PCGF6: variants seen among roughly 807,000 people sequenced by gnomAD.
PCGF6 encodes polycomb group RING finger protein 6.
A neutral mutation model predicts 45.5 loss-of-function variants in PCGF6; 24 were observed. The ratio of observed to expected loss-of-function variants is 0.53; its 90% confidence interval spans 0.38 to 0.74. The LOEUF is 0.74. Ranked by LOEUF, PCGF6 falls within the 30% of genes least tolerant of loss-of-function variation. The pLI, the probability that PCGF6 is intolerant of heterozygous loss-of-function variation, is 0.00. For missense variants in PCGF6, 356 were observed against 443.2 expected (o/e 0.80, Z 1.77); for synonymous variants, 152 against 162.1 (o/e 0.94, Z 0.47).
At position 103,337,921 on chromosome 10, in the gene PCGF6, G is replaced by A. The variant is rs1424813850; in HGVS notation, c.783-3969C>T. On this transcript the variant is annotated intron_variant, in intron 6 of 9. Coordinates refer to ENST00000369847, the MANE Select transcript of PCGF6 (RefSeq NM_001011663.2). ...CTACTAAAAATACAAAAAATTAGCC[G>A]GGCGTAGTGGTGGGCGCCTGTAGTC... Among the ~76,000 whole-genome samples, 8 of 110,414 alleles carry A rather than the reference G, an allele frequency of 7.2e-5. 1 individual carries two copies. The highest frequency in any genetic ancestry group is 2.0e-4 in the African/African-American group (6 of 30,348). The allele number at this position is 110,414 out of a possible 152,430, so 72.4% of individuals were successfully genotyped here. A position where few individuals can be genotyped will look rare whatever the true frequency, so the allele number is the denominator to read the frequency against.
At chr10:103,337,569 G>A (rs2093261745) in intron 6 of PCGF6, among the ~76,000 whole-genome samples, 1 of 152,084 alleles carries the variant, frequency 6.6e-6, no homozygotes, top group Non-Finnish European at 1.5e-5. Flanking sequence ...TCTGTCTTGG[G>A]TTATTTCTTT....
intron 1 of PCGF6, 78 bp from the exon 2 acceptor site, chr10:103,349,077 C>A (rs2093310303): frequency 2.4e-6 from 3 of 1,238,878 alleles, no homozygotes; most frequent in South Asian, 1.4e-5. Context: ...GAGACAGAGT[C>A]TCACTCTGTA....
At chr10:103,308,068 G>A (rs2133553083) in intron 9 of PCGF6, among the ~76,000 whole-genome samples, 1 of 152,260 alleles carries the variant, frequency 6.6e-6, no homozygotes, top group African/African-American at 2.4e-5. Flanking sequence ...GAAGCCTGCT[G>A]TAGTGGCAGA....
chr10:103,326,250 GC>G (rs1332933300), intron 8 of PCGF6, among the ~76,000 whole-genome samples: 2 of 151,908 alleles, frequency 1.3e-5, no homozygotes, highest in Non-Finnish European at 2.9e-5. Flanking sequence ...TCAGCCGGGT[GC>G]AGTGGCAGGT....
At chr10:103,306,034 A>G (rs1277616471) in intron 9 of PCGF6, among the ~76,000 whole-genome samples, 1 of 151,392 alleles carries the variant, frequency 6.6e-6, no homozygotes, top group East Asian at 1.9e-4. Context: ...GTGGCGTTCT[A>G]TCTCCTTTCT....
chr10:103,350,962 G>A lies in PCGF6; in HGVS notation c.105C>T (p.Thr35=), dbSNP rs1167257193. 6 of 1,450,592 alleles carry A rather than the reference G, an allele frequency of 4.1e-6. No individual in the cohort carries two copies. The highest frequency in any genetic ancestry group is 1.4e-5 in the South Asian group (1 of 70,132). 89.9% of individuals were successfully genotyped at this position (1,450,592 alleles called of 1,614,324 possible). ...CCTCCTCACCCGCTGCGGGTGCAGG[G>A]GTGAGGGCGGGCGGGGAGACAGGAG... ...PPPPVSPPAL[T]PAPAAGEEGP... Residue 35 remains threonine (T), a synonymous_variant, in exon 1 of 10, where the codon ACC becomes ACT. Transcript: ENST00000369847.
At chr10:103,305,419 C>T (rs1273244657) in intron 9 of PCGF6, among the ~76,000 whole-genome samples, 6 of 151,958 alleles carry the variant, frequency 3.9e-5, no homozygotes, top group Admixed American at 2.6e-4. Context: ...GACAGGGGCC[C>T]GCCATCACGC....
intron 6 of PCGF6, among the ~76,000 whole-genome samples, chr10:103,340,007 CAAAAAAAAAA>C (rs60211186): frequency 1.7e-5 from 1 of 60,176 alleles, no homozygotes. Flanking sequence ...ACTAAAAATA[CAAAAAAAAAA>C]AAAAAAAAAA....
intron 7 of PCGF6, among the ~76,000 whole-genome samples, chr10:103,331,721 A>C (rs2093240642): frequency 6.6e-6 from 1 of 152,218 alleles, no homozygotes; most frequent in South Asian, 2.1e-4. Flanking sequence ...CTGAAGAAAC[A>C]GAATTGGTTG....
chr10:103,350,727 C>A lies in PCGF6; in HGVS notation c.340G>T (p.Asp114Tyr), dbSNP rs1449014142. 2.6e-6 allele frequency: 4 copies of A among 1,541,496 alleles called. No individual in the cohort carries two copies. Among genetic ancestry groups the A allele is most frequent in the African/African-American group, 2.8e-5 (2 of 71,652 alleles). The change falls in exon 1 of 10, where the codon GAC (aspartate) becomes TAC (tyrosine). Residue 114 changes from aspartate to tyrosine, a missense_variant. Physicochemically the swap from Asp to Tyr is radical, Grantham distance 160. Coordinates refer to ENST00000369847, the MANE Select transcript of PCGF6 (RefSeq NM_001011663.2). ...FSLRLEGGRQDSEDEEERLIN... is the reference protein window; with the variant it reads ...FSLRLEGGRQYSEDEEERLIN... ...AATACCTCCTCCTCGTCCTCCGAGT[C>A]CTGCCGGCCTCCCTCCAGCCTCAAC...
intron 9 of PCGF6, among the ~76,000 whole-genome samples, chr10:103,312,114 T>G (rs2093159499): frequency 2.4e-5 from 3 of 122,922 alleles, no homozygotes; most frequent in African/African-American, 6.2e-5. Context: ...AAAGTCACGG[T>G]TGGGCATGGT....
chr10:103,348,585 A>G lies in PCGF6; in HGVS notation c.557+131T>C, dbSNP rs55873511. ...AGTGATCCACTCACCTCGGCCTCCC[A>G]AAGTGCTGGGATTATGGCATTAGCC... On this transcript the variant is annotated intron_variant, in intron 3 of 9. Transcript: ENST00000369847. The G allele has an allele frequency of 5.7e-6, 4 of 699,348 alleles. No individual in the cohort carries two copies. In the South Asian group the frequency reaches 6.2e-5, roughly 11 times the overall value. The allele number at this position is 699,348 out of a possible 1,614,324, so 43.3% of individuals were successfully genotyped here. A position where few individuals can be genotyped will look rare whatever the true frequency, so the allele number is the denominator to read the frequency against.
At chr10:103,309,196 T>TGGG (rs57497944) in intron 9 of PCGF6, among the ~76,000 whole-genome samples, 2 of 132,658 alleles carry the variant, frequency 1.5e-5, no homozygotes, top group Non-Finnish European at 3.3e-5. Flanking sequence ...TGAGATTTGG[T>TGGG]GGGGGGGGGG....
chr10:103,318,578 A>G (rs1295168914), intron 8 of PCGF6, among the ~76,000 whole-genome samples: 1 of 151,652 alleles, frequency 6.6e-6, no homozygotes, highest in African/African-American at 2.4e-5. Context: ...CCCTGTCTCT[A>G]CCAAAAATAC....
intron 6 of PCGF6, among the ~76,000 whole-genome samples, chr10:103,344,727 TA>T (rs2093293303): frequency 6.6e-6 from 1 of 151,636 alleles, no homozygotes; most frequent in East Asian, 1.9e-4. Flanking sequence ...CACGCCCAGC[TA>T]ATTTTTTTTT....
chr10:103,339,809 AAACACACACACACACACACACACACACAC>A (rs1454070057), intron 6 of PCGF6, among the ~76,000 whole-genome samples: 51 of 38,688 alleles, frequency 1.3e-3, no homozygotes, highest in Middle Eastern at 0.021. Flanking sequence ...CTCAAAAAAA[AAACACACACACACACACACACACACACAC>A]ACACACACAC....
At chr10:103,312,524 G>A (rs1186401356) in intron 9 of PCGF6, 1 of 153,340 alleles carries the variant, frequency 6.5e-6, no homozygotes, top group East Asian at 1.9e-4. Flanking sequence ...GGCACCAAGA[G>A]CAAACGATGC....
At chr10:103,314,632 TATATCTTTTTAA>T (rs981562975) in intron 8 of PCGF6, among the ~76,000 whole-genome samples, 4 of 152,144 alleles carry the variant, frequency 2.6e-5, no homozygotes, top group African/African-American at 9.7e-5. Flanking sequence ...CAAAGGAAAG[TATATCTTTTTAA>T]ATATCTGTGA....
intron 6 of PCGF6, among the ~76,000 whole-genome samples, chr10:103,341,775 G>A (rs1404449511): frequency 6.6e-6 from 1 of 151,920 alleles, no homozygotes; most frequent in East Asian, 1.9e-4. Flanking sequence ...TAATTAGCTA[G>A]TCATTAAAAG....
Sources: allele counts gnomAD v4.1 joint callset (sites outside exome capture counted in the v4.1 genomes callset), GRCh38; gene constraint gnomAD v4.1.1; transcripts MANE v1.5; gene names NCBI Gene and HGNC (gene_info 2026-07-23, HGNC 2026-07-21).